Variants in CBLN2 observed in about 807,000 individuals in gnomAD.
CBLN2 encodes the protein cerebellin-2.
In CBLN2, 7 loss-of-function variants were observed where a neutral mutation model predicts 15.0. The observed-to-expected ratio is 0.47, with a 90% CI of 0.27 to 0.88. CBLN2 has a LOEUF of 0.88. Among genes scored for constraint, CBLN2 ranks in the 40% least tolerant of loss-of-function variants. The probability of loss-of-function intolerance (pLI) is 0.14; values close to 1 mark genes in which losing one functional copy is unlikely to be tolerated. For missense variants in CBLN2, 242 were observed against 304.5 expected, an observed-to-expected ratio of 0.79 and a Z score of 1.53; for synonymous variants, 149 against 135.2, an observed-to-expected ratio of 1.10 and a Z score of -0.71.
At chr18:72,570,336 C>CA (rs986347981) in intron 1 of CBLN2, among the ~76,000 whole-genome samples, 5 of 146,268 alleles carry the variant, frequency 3.4e-5, no homozygotes, top group Admixed American at 2.1e-4. Context: ...CTCCTGGGCT[C>CA]AGGCAATATG....
At chr18:72,595,518 T>C (rs1275062688) in intron 1 of CBLN2, among the ~76,000 whole-genome samples, 2 of 152,196 alleles carry the variant, frequency 1.3e-5, no homozygotes, top group Non-Finnish European at 2.9e-5. Flanking sequence ...AAGGGCTCTG[T>C]AAATATCTAT....
chr18:72,592,466 T>C (rs1207230978), intron 1 of CBLN2, among the ~76,000 whole-genome samples: 1 of 152,100 alleles, frequency 6.6e-6, no homozygotes, highest in Admixed American at 6.6e-5. Flanking sequence ...GTTGATTGTT[T>C]CCTATGTTAT....
At chr18:72,558,298 A>G (rs2069239157) in intron 1 of CBLN2, among the ~76,000 whole-genome samples, 1 of 152,160 alleles carries the variant, frequency 6.6e-6, no homozygotes, top group Non-Finnish European at 1.5e-5. Context: ...GGTGCTTGTC[A>G]CTGATGGGGG....
At chr18:72,611,761 C>A (rs958749759) in intron 1 of CBLN2, among the ~76,000 whole-genome samples, 4 of 152,030 alleles carry the variant, frequency 2.6e-5, no homozygotes, top group Non-Finnish European at 4.4e-5. Flanking sequence ...GTCCCACTTT[C>A]CAATCTTTGT....
At chr18:72,573,965 G>C (rs760849103) in intron 1 of CBLN2, among the ~76,000 whole-genome samples, 1 of 152,034 alleles carries the variant, frequency 6.6e-6, no homozygotes, top group Admixed American at 6.6e-5. Flanking sequence ...CCTTATTTTC[G>C]ATTTTCGCCA....
chr18:72,617,327 GA>G (rs1347252303), intron 1 of CBLN2, among the ~76,000 whole-genome samples: 1 of 152,078 alleles, frequency 6.6e-6, no homozygotes, highest in Non-Finnish European at 1.5e-5. Flanking sequence ...CTGATTGAAT[GA>G]ATTACCATGA....
intron 1 of CBLN2, among the ~76,000 whole-genome samples, chr18:72,605,664 G>T (rs1432077): frequency 0.077 from 11,765 of 152,206 alleles, 485 homozygotes; most frequent in East Asian, 0.13. Context: ...TATGTCTGGG[G>T]CTACTTCAAA....
chr18:72,620,618 T>C (rs1481308071), intron 1 of CBLN2: 1 of 152,140 alleles, frequency 6.6e-6, no homozygotes, highest in African/African-American at 2.4e-5. Flanking sequence ...AAAGGCAACA[T>C]TGGAGCAGAA....
chr18:72,634,195 C>T (rs62089086), intron 1 of CBLN2, among the ~76,000 whole-genome samples: 12,489 of 151,936 alleles, frequency 0.082, 625 homozygotes, highest in South Asian at 0.16. Context: ...TTTACAGATG[C>T]CTTAAGTTCA....
intron 1 of CBLN2, among the ~76,000 whole-genome samples, chr18:72,567,302 A>T (rs2069301514): frequency 6.6e-6 from 1 of 150,962 alleles, no homozygotes; most frequent in Admixed American, 6.6e-5. Flanking sequence ...TGGAGATTAA[A>T]ATGTGAATTC....
At chr18:72,547,713 G>A (rs928741051), upstream of CBLN2, among the ~76,000 whole-genome samples, 1 of 151,874 alleles carries the variant, frequency 6.6e-6, no homozygotes, top group African/African-American at 2.4e-5. Context: ...ATGATTTAAG[G>A]AAAAAACTTG....
rs2144869702 is a variant in CBLN2 at position 72,543,241 on chromosome 18, A to G, written c.-167+245T>C. ...AGACAGGCCATTTCAATACCAGCCCAGAGACACGCAGAGAAGCCGCCCCCT... is the reference window on the plus strand; with the variant it reads ...AGACAGGCCATTTCAATACCAGCCCGGAGACACGCAGAGAAGCCGCCCCCT... On this transcript the variant is annotated intron_variant, in intron 2 of 4. Coordinates refer to ENST00000269503, the MANE Select transcript of CBLN2 (RefSeq NM_182511.4). This position sits in a 1 kb window ranked among gnomAD's most constrained non-coding sequence, Gnocchi z 6.8. 5.8e-6 allele frequency: 2 copies of G among 347,622 alleles called. No homozygotes were observed. The highest frequency in any genetic ancestry group is 8.3e-5 in the East Asian group (2 of 24,034). The allele number at this position is 347,622 out of a possible 1,614,324, so 21.5% of individuals were successfully genotyped here.
chr18:72,549,272 A>G (rs932499983), upstream of CBLN2, among the ~76,000 whole-genome samples: 16 of 152,208 alleles, frequency 1.1e-4, no homozygotes, highest in Admixed American at 1.0e-3. Flanking sequence ...TTGGCCTCCC[A>G]AAGTGCTGGG....
chr18:72,619,103 TG>T, intron 1 of CBLN2: 1 of 746,570 alleles, frequency 1.3e-6, no homozygotes, highest in Non-Finnish European at 2.4e-6. Flanking sequence ...GAGTAAATTT[TG>T]GAGGCAGAAG....
chr18:72,631,974 T>A (rs2069780246), intron 1 of CBLN2, among the ~76,000 whole-genome samples: 1 of 150,890 alleles, frequency 6.6e-6, no homozygotes, highest in African/African-American at 2.4e-5. Context: ...AAATTAGACT[T>A]ATCTCCACTT....
At chr18:72,634,574 G>A (rs2069799644) in intron 1 of CBLN2, among the ~76,000 whole-genome samples, 1 of 152,066 alleles carries the variant, frequency 6.6e-6, no homozygotes. Flanking sequence ...GTGCAGATAA[G>A]TATTCTATAA....
chr18:72,599,414 C>T (rs2069533564), intron 1 of CBLN2, among the ~76,000 whole-genome samples: 1 of 152,044 alleles, frequency 6.6e-6, no homozygotes, highest in Non-Finnish European at 1.5e-5. Context: ...ATGCAAAGGA[C>T]TCTAGGATAA....
At chr18:72,574,070 G>A (rs1032361226) in intron 1 of CBLN2, among the ~76,000 whole-genome samples, 2 of 152,096 alleles carry the variant, frequency 1.3e-5, no homozygotes, top group South Asian at 2.1e-4. Flanking sequence ...CCTATTCACC[G>A]TTGGTATATT....
At chr18:72,632,472 A>G (rs1721508466) in intron 1 of CBLN2, among the ~76,000 whole-genome samples, 1 of 152,202 alleles carries the variant, frequency 6.6e-6, no homozygotes, top group South Asian at 2.1e-4. Flanking sequence ...TGCTTTATAA[A>G]TAACTTAATC....
Sources: gnomAD v4.1 joint callset for allele counts (sites outside exome capture counted in the v4.1 genomes callset) on GRCh38, gnomAD v4.1.1 for gene constraint, Gnocchi (gnomAD v3.1) non-coding constraint, MANE v1.5 for transcripts, NCBI Gene and HGNC (gene_info 2026-07-23, HGNC 2026-07-21) for gene names.